The following SEC31B variants were observed in gnomAD, a reference collection of about 807,000 sequenced individuals.
SEC31B encodes the protein SEC31 homolog B, COPII component.
Under a neutral mutation model 135.0 loss-of-function variants are expected in SEC31B, and 113 were observed. The observed-to-expected ratio is 0.84, with a 90% CI of 0.72 to 0.98. SEC31B has a LOEUF of 0.98. SEC31B is among the 50% of genes least tolerant of loss of function. SEC31B has a pLI of 0.00. For synonymous variants in SEC31B, 508 were observed against 549.4 expected (o/e 0.92, Z 1.05); for missense variants, 1,296 against 1,421.1 (o/e 0.91, Z 1.42).
rs139691080 is a variant in SEC31B, at chr10:100,496,334, G to A, written c.2234C>T (p.Thr745Ile). 6.2e-6 allele frequency: 10 copies of A among 1,614,264 alleles called. No individual in the cohort carries two copies. The highest frequency in any genetic ancestry group is 2.2e-5 in the East Asian group (1 of 44,880). ...GGCTGCCAGGAGGTTGGCATACTGA[G>A]TGACCCTGTAGGTTGTGGCAGGGCC... Reference protein sequence around the residue: ...SPGPATTYRVTQYANLLAAQG... With the variant: ...SPGPATTYRVIQYANLLAAQG... The change falls in exon 18 of 26, where the codon ACT becomes ATT. Residue 745 changes from threonine to isoleucine, a missense_variant. Coordinates refer to ENST00000370345, the MANE Select transcript of SEC31B (RefSeq NM_015490.4).
intron 10 of SEC31B, 50 bp from the exon 11 acceptor site, chr10:100,502,534 G>T: frequency 1.6e-6 from 2 of 1,231,196 alleles, no homozygotes; most frequent in Non-Finnish European, 2.3e-6. Flanking sequence ...AAGTCAAAAA[G>T]TAACACTAAG....
intron 1 of SEC31B, among the ~76,000 whole-genome samples, chr10:100,519,010 C>T (rs1851899430): frequency 6.6e-6 from 1 of 152,140 alleles, no homozygotes; most frequent in Admixed American, 6.5e-5. Context: ...AGCAGCTGTG[C>T]ATTTGATGTG....
intron 1 of SEC31B, among the ~76,000 whole-genome samples, chr10:100,519,232 ATTG>A (rs1335225225): frequency 1.3e-4 from 20 of 152,238 alleles, no homozygotes. Context: ...CTTAATTCAC[ATTG>A]TTAAGAGGCA....
Position 100,495,394 on chromosome 10 carries a change from AG to A in SEC31B, c.2462del (p.Pro821LeufsTer41). 1.2e-6 allele frequency: 2 copies of A among 1,613,676 alleles called. No homozygotes were observed. The highest frequency in any genetic ancestry group is 1.7e-6 in the Non-Finnish European group (2 of 1,179,900). Reference protein sequence around the residue: ...ETSSYRLGSQPSHQVPTPSPR... With the variant: ...ETSSYRLGSQXSHQVPTPSPR... ...ACAAACGAGGTCTTACCTGGTGAGA[AG>A]GCTGGGATCCCAATCTGTAAGATGA... is the stretch of plus-strand genomic sequence containing the variant. On this transcript the variant is annotated frameshift_variant, in exon 19 of 26. Coordinates refer to ENST00000370345, the MANE Select transcript of SEC31B (RefSeq NM_015490.4). LOFTEE classifies it high-confidence loss of function.
At chr10:100,498,453 G>C in intron 14 of SEC31B, 1 of 603,246 alleles carries the variant, frequency 1.7e-6, no homozygotes, top group Non-Finnish European at 2.9e-6. Flanking sequence ...TGATCACAGT[G>C]GGCAGGGCCA....
chr10:100,490,953 A>C, intron 19 of SEC31B, 70 bp from the exon 20 acceptor site: 1 of 1,141,698 alleles, frequency 8.8e-7, no homozygotes, highest in Non-Finnish European at 1.2e-6. Context: ...ACAGAAAAAT[A>C]ATAGGGAAAA....
At chr10:100,504,903 T>C (rs192032592) in intron 10 of SEC31B, among the ~76,000 whole-genome samples, 2 of 152,068 alleles carry the variant, frequency 1.3e-5, no homozygotes, top group African/African-American at 2.4e-5. Flanking sequence ...AGAGAACATA[T>C]GAGAATGAGA....
rs1402526700 is a variant in SEC31B, at chr10:100,499,047, T to A, written c.1584+113A>T. ...AGAGAGTGAGGAGTCTGAAGACTTC[T>A]ACAGACGCTAAACACTTACAGACAG... is the stretch of plus-strand genomic sequence containing the variant. On this transcript the variant is annotated intron_variant, in intron 13 of 25. Coordinates refer to ENST00000370345, the MANE Select transcript of SEC31B (RefSeq NM_015490.4). 3 of 861,018 alleles carry A rather than the reference T, an allele frequency of 3.5e-6. No individual in the cohort carries two copies. In the African/African-American group the frequency reaches 5.0e-5, roughly 14 times the overall value. 53.3% of individuals were successfully genotyped at this position (861,018 alleles called of 1,614,324 possible).
At chr10:100,490,992 G>A (rs1851291269) in intron 19 of SEC31B, 109 bp from the exon 20 acceptor site, 1 of 696,974 alleles carries the variant, frequency 1.4e-6, no homozygotes, top group South Asian at 5.9e-5. Context: ...GTTCTTTGAG[G>A]AAAAAAATCA....
chr10:100,498,879 A>T, intron 13 of SEC31B, 75 bp from the exon 14 acceptor site: 1 of 1,157,240 alleles, frequency 8.6e-7, no homozygotes, highest in Middle Eastern at 2.0e-4. Context: ...AGTAGCCCTG[A>T]GAGCTCTACT....
chr10:100,519,157 T>A (rs1383136081), intron 1 of SEC31B, among the ~76,000 whole-genome samples: 2 of 152,240 alleles, frequency 1.3e-5, no homozygotes, highest in Non-Finnish European at 2.9e-5. Flanking sequence ...ACCACTGTAC[T>A]AGTCGCAAGT....
At chr10:100,503,741 C>CTTT (rs536397983) in intron 10 of SEC31B, among the ~76,000 whole-genome samples, 18 of 145,404 alleles carry the variant, frequency 1.2e-4, no homozygotes, top group East Asian at 4.0e-4. Flanking sequence ...TGGCCGACAA[C>CTTT]TTTTTTTTTT....
chr10:100,519,087 G>A (rs1851900598), intron 1 of SEC31B, among the ~76,000 whole-genome samples: 1 of 152,216 alleles, frequency 6.6e-6, no homozygotes, highest in Non-Finnish European at 1.5e-5. Context: ...ATTTTCTAGA[G>A]ATGACAACTG....
At chr10:100,508,406 A>G (rs1851672985) in intron 5 of SEC31B, 4 of 499,402 alleles carry the variant, frequency 8.0e-6, no homozygotes, top group South Asian at 6.2e-5. Context: ...ACCCCAAGAG[A>G]GAGTGAGGCC....
rs571347208 is a variant in SEC31B, at chr10:100,487,019, A to G, written c.*597T>C. The G allele has an allele frequency of 1.2e-4, 19 of 152,900 alleles. No individual in the cohort carries two copies. The highest frequency in any genetic ancestry group is 4.1e-4 in the African/African-American group (17 of 41,556). The allele number at this position is 152,900 out of a possible 1,614,324, so 9.5% of individuals were successfully genotyped here. ...AGCCCACCCTTAATAATGCCGGCAG[A>G]TGAGAAATTCCATTTTAACAGCGCC... On this transcript the variant is annotated 3_prime_UTR_variant, in exon 26 of 26. Transcript: ENST00000370345.
At chr10:100,508,953 A>G (rs1851685023) in intron 5 of SEC31B, 54 bp downstream of exon 5, 1 of 1,415,250 alleles carries the variant, frequency 7.1e-7, no homozygotes, top group African/African-American at 1.4e-5. Context: ...CAAGACTTTT[A>G]CTTAGGAGAA....
chr10:100,507,411 G>A lies in SEC31B; in HGVS notation c.782+14C>T, dbSNP rs149969551. 9.2e-5 allele frequency: 149 copies of A among 1,614,156 alleles called. No individual in the cohort carries two copies. The East Asian group carries it at 1.4e-3, about 15-fold the overall frequency. On this transcript the variant is annotated intron_variant, in intron 7 of 25. Coordinates refer to ENST00000370345, the MANE Select transcript of SEC31B (RefSeq NM_015490.4). The stretch of plus-strand genomic sequence containing the variant: ...CCATCCCCCCAAGGATATGGATGAC[G>A]TCTGAGATGCTACCTGCTGTGGCTC...
Position 100,507,915 on chromosome 10 carries a change from C to A in SEC31B, c.632G>T (p.Ser211Ile). 1 of 1,614,226 alleles carries A rather than the reference C, an allele frequency of 6.2e-7. No homozygotes were observed. The highest frequency in any genetic ancestry group is 8.5e-7 in the Non-Finnish European group (1 of 1,180,032). ...NEPIIKVSDH[S>I]NRMHCSGLAW... Reference sequence around the variant, plus strand: ...CTGGCCTCCAATACTCACCCTGTTGCTGTGATCACTGACTTTGATGATAGG... The same window carrying A: ...CTGGCCTCCAATACTCACCCTGTTGATGTGATCACTGACTTTGATGATAGG... The change falls in exon 6 of 26, where the codon AGC becomes ATC. Residue 211 changes from serine to isoleucine, a missense_variant. Transcript: ENST00000370345.
intron 10 of SEC31B, among the ~76,000 whole-genome samples, chr10:100,503,845 T>G (rs1171033053): frequency 6.6e-6 from 1 of 152,052 alleles, no homozygotes; most frequent in Non-Finnish European, 1.5e-5. Flanking sequence ...GGGTTTGTTG[T>G]ACAGATTATT....
Sources: allele counts gnomAD v4.1 joint callset (sites outside exome capture counted in the v4.1 genomes callset), GRCh38; gene constraint gnomAD v4.1.1; transcripts MANE v1.5; gene names NCBI Gene and HGNC (gene_info 2026-07-23, HGNC 2026-07-21).